Variants in MAP6 observed in about 807,000 individuals in gnomAD.
MAP6 encodes the protein microtubule associated protein 6.
In MAP6, 26 loss-of-function variants were observed where a neutral mutation model predicts 42.4. The ratio of observed to expected loss-of-function variants is 0.61; its 90% CI spans 0.45 to 0.85. The LOEUF (loss-of-function observed/expected upper bound fraction) is 0.85. Among genes scored for constraint, MAP6 ranks in the 40% least tolerant of loss-of-function variants. MAP6 has a pLI of 0.00. For missense variants in MAP6, 966 were observed against 1,099.0 expected (o/e 0.88, Z 1.71); for synonymous variants, 418 against 443.8 (o/e 0.94, Z 0.73).
intron 1 of MAP6, among the ~76,000 whole-genome samples, chr11:75,625,205 C>A (rs1943175949): frequency 6.6e-6 from 1 of 152,194 alleles, no homozygotes; most frequent in African/African-American, 2.4e-5. Flanking sequence ...TTAGCACAGC[C>A]ACAGCGCTTG....
chr11:75,611,928 A>C (rs1942903236), intron 1 of MAP6, among the ~76,000 whole-genome samples: 1 of 152,280 alleles, frequency 6.6e-6, no homozygotes, highest in Admixed American at 6.5e-5. Flanking sequence ...AGCTCAGGTC[A>C]GTCAGGCTCC....
At chr11:75,607,234 CAA>C (rs752547399) in intron 2 of MAP6, 160 of 985,254 alleles carry the variant, frequency 1.6e-4, no homozygotes, top group Non-Finnish European at 1.8e-4. Context: ...GGTCCTGGGC[CAA>C]ATAGGAAACT....
At chr11:75,622,237 AT>A (rs1943124226) in intron 1 of MAP6, among the ~76,000 whole-genome samples, 1 of 151,824 alleles carries the variant, frequency 6.6e-6, no homozygotes, top group Admixed American at 6.6e-5. Flanking sequence ...GTTTTTTTTG[AT>A]TTTTAATTTA....
rs367846522 is a variant in MAP6, at chr11:75,587,050, G to C, written c.*9C>G. 1.3e-6 allele frequency: 2 copies of C among 1,566,934 alleles called. No homozygotes were observed. Among genetic ancestry groups the C allele is most frequent in the Non-Finnish European group, 8.7e-7 (1 of 1,155,956 alleles). ...TCAGCTCCTTCATTGGTGTGTCAAG[G>C]GGTGAGTGTCAAGGGGAGCTCTCAA... On this transcript the variant is annotated 3_prime_UTR_variant, in exon 4 of 4. Coordinates refer to ENST00000304771, the MANE Select transcript of MAP6 (RefSeq NM_033063.2).
At chr11:75,612,179 A>T (rs1275010285) in intron 1 of MAP6, among the ~76,000 whole-genome samples, 1 of 152,256 alleles carries the variant, frequency 6.6e-6, no homozygotes, top group Non-Finnish European at 1.5e-5. Context: ...ACAGAAATTC[A>T]TGGTCCCCTG....
At chr11:75,629,528 A>G (rs535259163) in intron 1 of MAP6, among the ~76,000 whole-genome samples, 18 of 152,226 alleles carry the variant, frequency 1.2e-4, no homozygotes, top group African/African-American at 4.3e-4. Flanking sequence ...TTCTGTCCTC[A>G]TGCATTCAAT....
At chr11:75,664,902 C>T (rs922642332) in intron 1 of MAP6, among the ~76,000 whole-genome samples, 3 of 151,876 alleles carry the variant, frequency 2.0e-5, no homozygotes, top group East Asian at 1.9e-4. Context: ...AAAAAAAACC[C>T]GTTAAATTTC....
At position 75,603,287 on chromosome 11, in the gene MAP6, C is replaced by T. The variant is rs556806517; in HGVS notation, c.1316+2521G>A. The T allele has an allele frequency of 4.6e-5, 45 of 985,596 alleles. No individual in the cohort carries two copies. The Admixed American group carries it at 8.6e-4, about 19-fold the overall frequency. 61.1% of individuals were successfully genotyped at this position (985,596 alleles called of 1,614,324 possible). A position where few individuals can be genotyped will look rare whatever the true frequency, so the allele number is the denominator to read the frequency against. Reference sequence around the variant, plus strand: ...GGGAAATGTACAGAGGCCAGTGGGACGAGCTTTGGAAGCTTGGTCACCTTC... The same window carrying T: ...GGGAAATGTACAGAGGCCAGTGGGATGAGCTTTGGAAGCTTGGTCACCTTC... On this transcript the variant is annotated intron_variant, in intron 3 of 3. Coordinates refer to ENST00000304771, the MANE Select transcript of MAP6 (RefSeq NM_033063.2).
At position 75,587,374 on chromosome 11, in the gene MAP6, G is replaced by A. The variant is rs1942373943; in HGVS notation, c.2127C>T (p.Val709=). ...VAPVKNQGPV[V]PESVKNQDPI... is the part of the protein sequence containing the mutation. ...GGTCTTGATTCTTCACGGACTCGGG[G>A]ACCACAGGACCTTGATTCTTTACAG... is the stretch of plus-strand genomic sequence containing the variant. Residue 709 remains valine, a synonymous_variant, in exon 4 of 4, where the codon GTC becomes GTT. Transcript: ENST00000304771. 1.2e-6 allele frequency: 2 copies of A among 1,614,086 alleles called. No homozygotes were observed. Among genetic ancestry groups the A allele is most frequent in the South Asian group, 2.2e-5 (2 of 91,066 alleles).
intron 1 of MAP6, among the ~76,000 whole-genome samples, chr11:75,613,806 T>C (rs1015209829): frequency 1.3e-5 from 2 of 152,192 alleles, no homozygotes; most frequent in South Asian, 2.1e-4. Context: ...GGAAAATTTA[T>C]GGAGAGAAGG....
At chr11:75,588,381 C>A (rs115798317) in intron 3 of MAP6, among the ~76,000 whole-genome samples, 197 bp from the exon 4 acceptor site, 5 of 151,966 alleles carry the variant, frequency 3.3e-5, no homozygotes, top group Non-Finnish European at 5.9e-5. Flanking sequence ...GGTGAAGGCT[C>A]AGGAATCAGT....
intron 1 of MAP6, among the ~76,000 whole-genome samples, chr11:75,655,472 C>T (rs1943731494): frequency 6.6e-6 from 1 of 152,134 alleles, no homozygotes; most frequent in Non-Finnish European, 1.5e-5. Flanking sequence ...TGAGAATACC[C>T]AAGAAAAGGC....
chr11:75,603,882 C>T (rs1255800664), intron 3 of MAP6: 1 of 985,298 alleles, frequency 1.0e-6, no homozygotes, highest in African/African-American at 1.7e-5. Flanking sequence ...TGGCTAGCAT[C>T]AACATGTCTG....
chr11:75,618,548 G>A (rs1484899520), intron 1 of MAP6, among the ~76,000 whole-genome samples: 1 of 152,064 alleles, frequency 6.6e-6, no homozygotes, highest in African/African-American at 2.4e-5. Flanking sequence ...TAGAGTTGCA[G>A]TGAGCCAAGA....
At chr11:75,589,603 C>T (rs541895619) in intron 3 of MAP6, among the ~76,000 whole-genome samples, 48 of 152,316 alleles carry the variant, frequency 3.2e-4, no homozygotes, top group African/African-American at 1.1e-3. Flanking sequence ...GGGACCCCCA[C>T]GGACTAGCAT....
intron 2 of MAP6, among the ~76,000 whole-genome samples, chr11:75,606,388 G>A (rs987293483): frequency 1.3e-5 from 2 of 152,210 alleles, no homozygotes; most frequent in Admixed American, 6.5e-5. Context: ...AATGTGAGCA[G>A]TGACTTGGGT....
At chr11:75,652,073 G>A (rs555812009) in intron 1 of MAP6, among the ~76,000 whole-genome samples, 1 of 152,272 alleles carries the variant, frequency 6.6e-6, no homozygotes, top group South Asian at 2.1e-4. Flanking sequence ...CATTAGCAGA[G>A]CTGTATTATA....
At chr11:75,665,945 A>AT (rs1159108911) in intron 1 of MAP6, among the ~76,000 whole-genome samples, 1 of 152,016 alleles carries the variant, frequency 6.6e-6, no homozygotes, top group Admixed American at 6.6e-5. Flanking sequence ...TGGGGGACAG[A>AT]TTTTCTCTTA....
chr11:75,657,924 ACC>A (rs780309816), intron 1 of MAP6, among the ~76,000 whole-genome samples: 30 of 152,322 alleles, frequency 2.0e-4, no homozygotes, highest in Non-Finnish European at 4.0e-4. Context: ...ACTTAATGAC[ACC>A]TGTAAAATCC....
Sources: gnomAD v4.1 joint callset for allele counts (sites outside exome capture counted in the v4.1 genomes callset) on GRCh38, gnomAD v4.1.1 for gene constraint, MANE v1.5 for transcripts, NCBI Gene and HGNC (gene_info 2026-07-23, HGNC 2026-07-21) for gene names.